ANTXR2: variants seen among roughly 807,000 people sequenced by gnomAD.
ANTXR2 encodes the protein ANTXR cell adhesion molecule 2, also known as anthrax toxin receptor 2.
ANTXR2 carries 44 observed loss-of-function variants against 73.7 expected under a neutral mutation model. The ratio of observed to expected loss-of-function variants is 0.60; its 90% CI spans 0.47 to 0.77. The LOEUF (loss-of-function observed/expected upper bound fraction) is 0.77, where lower values mean the gene tolerates loss of function less well. Among genes scored for constraint, ANTXR2 ranks in the 30% least tolerant of loss-of-function variants. The pLI is 0.00. For synonymous variants in ANTXR2, 217 were observed against 205.9 expected (o/e 1.05, Z -0.46); for missense variants, 604 against 592.5 (o/e 1.02, Z -0.20).
chr4:79,963,859 G>T (rs1382937881), intron 16 of ANTXR2, among the ~76,000 whole-genome samples: 1 of 152,120 alleles, frequency 6.6e-6, no homozygotes, highest in Non-Finnish European at 1.5e-5. Context: ...GCTGAATGTA[G>T]GTAGTAGAGG....
rs1437563130 is a variant in ANTXR2 at position 79,902,691 on chromosome 4, A to T, written c.*4738T>A. 6.6e-6 allele frequency: 1 copy of T among 151,404 alleles called. No individual in the cohort carries two copies. The allele number at this position is 151,404 out of a possible 1,614,324, so 9.4% of individuals were successfully genotyped here. ...ATAAGAAATTAACTAAGAAATTATT[A>T]TGGCTAATTATCAACATATACTATA... On this transcript the variant is annotated 3_prime_UTR_variant, in exon 17 of 17. Coordinates refer to ENST00000403729, the MANE Select transcript of ANTXR2 (RefSeq NM_058172.6).
chr4:79,991,671 T>C (rs1311881761), intron 12 of ANTXR2, among the ~76,000 whole-genome samples: 2 of 151,998 alleles, frequency 1.3e-5, no homozygotes, highest in Non-Finnish European at 2.9e-5. Flanking sequence ...CACAACACTA[T>C]TCACAATAGC....
At chr4:80,036,693 C>T (rs970657511) in intron 7 of ANTXR2, among the ~76,000 whole-genome samples, 25 of 152,054 alleles carry the variant, frequency 1.6e-4, no homozygotes, top group Middle Eastern at 6.8e-3. Flanking sequence ...CCCAGCTACT[C>T]GGGAGGCTGA....
In ANTXR2 at chr4:80,057,688, A is replaced by G. The variant is rs563071212; in HGVS notation, c.297-1675T>C. ...AAGCTTTCTAGTCATACTCATATTC[A>G]TGTTTTACCATAATAAAAAAAAGTT... On this transcript the variant is annotated intron_variant, in intron 3 of 16. Transcript: ENST00000403729. Among the ~76,000 whole-genome samples, 4 of 132,392 alleles carry G rather than the reference A, an allele frequency of 3.0e-5. No homozygotes were observed. The East Asian group carries it at 8.1e-4, about 27-fold the overall frequency. 86.9% of individuals were successfully genotyped at this position (132,392 alleles called of 152,430 possible).
In ANTXR2 at chr4:80,069,472, G is replaced by A. The variant is rs1473386624; in HGVS notation, c.260C>T (p.Ser87Phe). Residue 87 changes from serine to phenylalanine, a missense_variant, in exon 3 of 17, where the codon TCT becomes TTT. Coordinates refer to ENST00000403729, the MANE Select transcript of ANTXR2 (RefSeq NM_058172.6). ...EMRLSFIVFS[S>F]QATIILPLTG... is the part of the protein sequence containing the mutation. ...TAATGGCAAAATAATAGTTGCTTGA[G>A]AAGAAAACACAATGAAAGATAATCT... 1.1e-5 allele frequency: 18 copies of A among 1,605,876 alleles called. No homozygotes were observed. The Admixed American group carries it at 2.5e-4, about 23-fold the overall frequency.
At chr4:79,998,301 A>G (rs1463314591) in intron 12 of ANTXR2, among the ~76,000 whole-genome samples, 1 of 152,066 alleles carries the variant, frequency 6.6e-6, no homozygotes, top group African/African-American at 2.4e-5. Context: ...CACTAAAGAA[A>G]AATGAATTTG....
rs187825584 is a variant in ANTXR2, at chr4:79,909,769, T to C, written c.1429-2302A>G. On this transcript the variant is annotated intron_variant, in intron 16 of 16. Transcript: ENST00000403729. ...TTCTAATCATGGACTCAGTGCTTTT[T>C]ACTTTTATCAACAGCTGATAATGTC... Among the ~76,000 whole-genome samples, 12 of 152,318 alleles carry C rather than the reference T, an allele frequency of 7.9e-5. 1 individual carries two copies. The East Asian group carries it at 2.3e-3, about 29-fold the overall frequency.
intron 16 of ANTXR2, among the ~76,000 whole-genome samples, chr4:79,957,878 T>A (rs1316742124): frequency 6.6e-6 from 1 of 152,020 alleles, no homozygotes; most frequent in Non-Finnish European, 1.5e-5. Context: ...GAAAACAAAA[T>A]TTTAAGAAAA....
chr4:79,927,055 G>GTT (rs1727840295), intron 16 of ANTXR2, among the ~76,000 whole-genome samples: 1 of 95,810 alleles, frequency 1.0e-5, no homozygotes. Flanking sequence ...ATGTGCGTGT[G>GTT]TGTGTGTATA....
chr4:79,966,076 G>T (rs1288605454), intron 16 of ANTXR2, among the ~76,000 whole-genome samples: 1 of 151,228 alleles, frequency 6.6e-6, no homozygotes, highest in Non-Finnish European at 1.5e-5. Flanking sequence ...GCTAACAAAA[G>T]AACTCCAGGA....
At chr4:80,002,854 C>T (rs1256946750) in intron 12 of ANTXR2, among the ~76,000 whole-genome samples, 2 of 150,422 alleles carry the variant, frequency 1.3e-5, no homozygotes, top group Non-Finnish European at 3.0e-5. Context: ...ATCAAAACCA[C>T]AATGAGATAC....
At chr4:79,911,016 C>T (rs1273055731) in intron 16 of ANTXR2, among the ~76,000 whole-genome samples, 2 of 152,154 alleles carry the variant, frequency 1.3e-5, no homozygotes, top group Non-Finnish European at 2.9e-5. Flanking sequence ...TTGTAAGTGA[C>T]CATGATCAGA....
chr4:79,991,295 G>A (rs1173308486), intron 12 of ANTXR2, among the ~76,000 whole-genome samples: 3 of 151,870 alleles, frequency 2.0e-5, no homozygotes, highest in Admixed American at 6.6e-5. Flanking sequence ...CAAAGGACAC[G>A]AACAGGCACT....
chr4:79,915,862 C>CTCTCTCTCTATATATATATATATA (rs377006532), intron 16 of ANTXR2, among the ~76,000 whole-genome samples: 1 of 123,878 alleles, frequency 8.1e-6, no homozygotes, highest in African/African-American at 3.0e-5. Context: ...CTCTCTCTCT[C>CTCTCTCTCTATATATATATATATA]TATATATATA....
intron 11 of ANTXR2, among the ~76,000 whole-genome samples, chr4:80,018,630 CTTATT>C (rs1366751743): frequency 6.6e-6 from 1 of 151,842 alleles, no homozygotes; most frequent in Non-Finnish European, 1.5e-5. Context: ...ATTATCTTAC[CTTATT>C]TTGATTTCAA....
Position 80,021,464 on chromosome 4 carries a change from CATA to C in ANTXR2, c.867-2491_867-2489del, listed in dbSNP as rs373394323. Among the ~76,000 whole-genome samples, 238 of 152,130 alleles carry C rather than the reference CATA, an allele frequency of 1.6e-3. 3 individuals carry two copies. Among genetic ancestry groups the C allele is most frequent in the East Asian group, 0.015 (76 of 5,178 alleles). On this transcript the variant is annotated intron_variant, in intron 10 of 16. Coordinates refer to ENST00000403729, the MANE Select transcript of ANTXR2 (RefSeq NM_058172.6). ...ATTTTTTGGAAAGATAATTTTCATT[CATA>C]ATAATATGTGATTCTTGCAGGTAAT...
chr4:79,959,604 C>T (rs1453292015), intron 16 of ANTXR2, among the ~76,000 whole-genome samples: 1 of 152,218 alleles, frequency 6.6e-6, no homozygotes, highest in Non-Finnish European at 1.5e-5. Flanking sequence ...TGACCCTGCT[C>T]ACTGAGCTGT....
chr4:79,903,545 T>C lies in ANTXR2; in HGVS notation c.*3884A>G, dbSNP rs1037466773. 3 of 152,158 alleles carry C rather than the reference T, an allele frequency of 2.0e-5. No homozygotes were observed. Among genetic ancestry groups the C allele is most frequent in the African/African-American group, 7.2e-5 (3 of 41,448 alleles). 9.4% of individuals were successfully genotyped at this position (152,158 alleles called of 1,614,324 possible). A position where few individuals can be genotyped will look rare whatever the true frequency, so the allele number is the denominator to read the frequency against. Reference sequence around the variant, plus strand: ...AACCAGCGCAGAACCTGCTACATTATGGATTTTCAAAAACAACAACAAAAA... The same window carrying C: ...AACCAGCGCAGAACCTGCTACATTACGGATTTTCAAAAACAACAACAAAAA... On this transcript the variant is annotated 3_prime_UTR_variant, in exon 17 of 17. Coordinates refer to ENST00000403729, the MANE Select transcript of ANTXR2 (RefSeq NM_058172.6).
chr4:80,031,473 A>G (rs1339797896), intron 10 of ANTXR2, 150 bp downstream of exon 10: 1 of 519,218 alleles, frequency 1.9e-6, no homozygotes, highest in Non-Finnish European at 3.2e-6. Context: ...TTGCTTGCCT[A>G]GTACTAAGTT....
Sources: allele counts gnomAD v4.1 joint callset (sites outside exome capture counted in the v4.1 genomes callset), GRCh38; gene constraint gnomAD v4.1.1; transcripts MANE v1.5; gene names NCBI Gene and HGNC (gene_info 2026-07-23, HGNC 2026-07-21).